DPY19L4: variants seen among roughly 807,000 people sequenced by gnomAD.
The protein encoded by DPY19L4 is dpy-19 like 4.
In DPY19L4, 97 loss-of-function variants were observed where a neutral mutation model predicts 102.8. That is an observed-to-expected ratio of 0.94 (90% confidence interval 0.80 to 1.12). The LOEUF (loss-of-function observed/expected upper bound fraction) is 1.12. DPY19L4 is among the 50% of genes most tolerant of loss of function. DPY19L4 has a pLI of 0.00. For synonymous variants in DPY19L4, 252 were observed against 283.1 expected, an observed-to-expected ratio of 0.89 and a Z score of 1.10; for missense variants, 815 against 850.4, an observed-to-expected ratio of 0.96 and a Z score of 0.52.
At chr8:94,735,910 A>T (rs74717317) in intron 3 of DPY19L4, among the ~76,000 whole-genome samples, 14,505 of 152,176 alleles carry the variant, frequency 0.095, 796 homozygotes, top group Admixed American at 0.13. Flanking sequence ...CATAAAAAAA[A>T]TTTTAAAGTA....
intron 14 of DPY19L4, among the ~76,000 whole-genome samples, chr8:94,778,429 G>A (rs1228965029): frequency 1.3e-5 from 2 of 152,038 alleles, no homozygotes; most frequent in East Asian, 3.9e-4. Context: ...CCTGCTATGT[G>A]CTTGGGATAC....
intron 1 of DPY19L4, among the ~76,000 whole-genome samples, chr8:94,721,996 C>A (rs7813107): frequency 0.68 from 103,376 of 152,008 alleles, 35,972 homozygotes; most frequent in African/African-American, 0.83. Flanking sequence ...GTAGTCCCAG[C>A]TACTCAGGAG....
intron 15 of DPY19L4, 131 bp from the exon 16 acceptor site, chr8:94,780,953 G>A (rs770121901): frequency 4.6e-5 from 29 of 632,088 alleles, no homozygotes; most frequent in African/African-American, 1.2e-4. Context: ...TTTTCCATGC[G>A]AACGGTGTTG....
intron 4 of DPY19L4, among the ~76,000 whole-genome samples, chr8:94,739,035 C>G (rs1034577023): frequency 2.0e-5 from 3 of 152,188 alleles, no homozygotes; most frequent in African/African-American, 7.2e-5. Flanking sequence ...CAACTCTCAG[C>G]TTTTTGAAAA....
intron 16 of DPY19L4, among the ~76,000 whole-genome samples, chr8:94,782,883 C>A (rs1201869070): frequency 6.6e-6 from 1 of 152,034 alleles, no homozygotes; most frequent in Non-Finnish European, 1.5e-5. Context: ...TATGATTTAC[C>A]ACAGTATTTT....
At chr8:94,752,470 C>T (rs907775237) in intron 6 of DPY19L4, among the ~76,000 whole-genome samples, 3 of 149,918 alleles carry the variant, frequency 2.0e-5, no homozygotes, top group African/African-American at 4.9e-5. Context: ...CCTGTAGTCC[C>T]AGCTACTCAG....
intron 3 of DPY19L4, 95 bp from the exon 4 acceptor site, chr8:94,738,274 G>C (rs1811277483): frequency 5.1e-6 from 2 of 392,924 alleles, no homozygotes; most frequent in African/African-American, 4.5e-5. Flanking sequence ...AGCCGAGATC[G>C]CGCCACTGCA....
At chr8:94,778,639 A>G (rs567662288) in intron 14 of DPY19L4, among the ~76,000 whole-genome samples, 1 of 152,148 alleles carries the variant, frequency 6.6e-6, no homozygotes, top group East Asian at 1.9e-4. Flanking sequence ...AACATAGGGA[A>G]GGGCTACTCA....
intron 2 of DPY19L4, 100 bp from the exon 3 acceptor site, chr8:94,734,530 G>C: frequency 8.1e-7 from 1 of 1,237,932 alleles, no homozygotes; most frequent in Non-Finnish European, 1.1e-6. Flanking sequence ...TCGAGTTGTG[G>C]GTTTTGGGGA....
chr8:94,764,009 T>C (rs948055947), intron 8 of DPY19L4, among the ~76,000 whole-genome samples: 3 of 152,184 alleles, frequency 2.0e-5, no homozygotes, highest in Non-Finnish European at 2.9e-5. Flanking sequence ...TGGGAGATCT[T>C]CTAATAAAAC....
At chr8:94,782,445 G>A (rs1413129457) in intron 16 of DPY19L4, among the ~76,000 whole-genome samples, 3 of 152,068 alleles carry the variant, frequency 2.0e-5, no homozygotes, top group African/African-American at 4.8e-5. Flanking sequence ...CAAGTCACAT[G>A]ATTAATACTA....
chr8:94,749,247 A>G (rs1272298512), intron 6 of DPY19L4, among the ~76,000 whole-genome samples: 1 of 152,094 alleles, frequency 6.6e-6, no homozygotes, highest in Admixed American at 6.5e-5. Context: ...ATCACCCCAC[A>G]TCCACGGATT....
intron 14 of DPY19L4, among the ~76,000 whole-genome samples, chr8:94,778,702 G>A (rs1232176991): frequency 6.6e-6 from 1 of 151,614 alleles, no homozygotes; most frequent in Non-Finnish European, 1.5e-5. Context: ...CTCAAATAAG[G>A]CTTTCCAATC....
At chr8:94,720,188 G>C in intron 1 of DPY19L4, 174 bp downstream of exon 1, 3 of 985,408 alleles carry the variant, frequency 3.0e-6, no homozygotes, top group Non-Finnish European at 3.6e-6. Context: ...AAATTCAGGA[G>C]AGCGGAGCAA....
At chr8:94,780,219 A>C (rs12056667) in intron 14 of DPY19L4, 140 bp from the exon 15 acceptor site, 80,020 of 486,650 alleles carry the variant, frequency 0.16, 6,993 homozygotes, top group Admixed American at 0.21. Context: ...TCTGTGAACT[A>C]GGTTCTATGT....
At chr8:94,786,364 A>T (rs1027095772) in intron 17 of DPY19L4, among the ~76,000 whole-genome samples, 1 of 152,088 alleles carries the variant, frequency 6.6e-6, no homozygotes, top group African/African-American at 2.4e-5. Context: ...AGCTCAGGCA[A>T]TCCGCCTACC....
chr8:94,745,303 C>T (rs1811623592), intron 6 of DPY19L4, among the ~76,000 whole-genome samples: 1 of 151,068 alleles, frequency 6.6e-6, no homozygotes, highest in South Asian at 2.1e-4. Context: ...CTGACAGAGT[C>T]CAGGTTCCAC....
intron 2 of DPY19L4, among the ~76,000 whole-genome samples, chr8:94,728,078 C>T (rs1203005047): frequency 6.6e-6 from 1 of 152,178 alleles, no homozygotes; most frequent in African/African-American, 2.4e-5. Flanking sequence ...TCTTGTGCCT[C>T]AGCCTCCCGA....
intron 8 of DPY19L4, among the ~76,000 whole-genome samples, chr8:94,763,888 G>A (rs1234323279): frequency 6.6e-6 from 1 of 151,926 alleles, no homozygotes; most frequent in African/African-American, 2.4e-5. Context: ...AGGCCAGGCT[G>A]GTCTAAAACT....
Sources: gnomAD v4.1 joint callset for allele counts (sites outside exome capture counted in the v4.1 genomes callset) on GRCh38, gnomAD v4.1.1 for gene constraint, MANE v1.5 for transcripts, NCBI Gene and HGNC (gene_info 2026-07-23, HGNC 2026-07-21) for gene names.